NRG1: variants seen among roughly 807,000 people sequenced by gnomAD.
NRG1 encodes the protein pro-neuregulin-1, membrane-bound isoform.
A neutral mutation model predicts 63.8 loss-of-function variants in NRG1; 18 were observed. The ratio of observed to expected loss-of-function variants is 0.28; its 90% CI spans 0.19 to 0.42. NRG1 has a LOEUF of 0.42. Ranked by LOEUF, NRG1 falls within the 10% of genes least tolerant of loss-of-function variation. NRG1 has a pLI of 1.00. For missense variants in NRG1, 762 were observed against 814.7 expected (o/e 0.94, Z 0.79); for synonymous variants, 302 against 301.3 (o/e 1.00, Z -0.02).
intron 7 of NRG1, among the ~76,000 whole-genome samples, chr8:32,752,261 A>G (rs1290224860): frequency 6.6e-6 from 1 of 152,158 alleles, no homozygotes; most frequent in African/African-American, 2.4e-5. Flanking sequence ...CAGGATACCA[A>G]GATCAGGAAG....
At chr8:32,155,291 G>T (rs1487267254) in intron 1 of NRG1, among the ~76,000 whole-genome samples, 1 of 152,102 alleles carries the variant, frequency 6.6e-6, no homozygotes, top group Non-Finnish European at 1.5e-5. Context: ...AAAGAGACTA[G>T]ATCAAATGGT....
At chr8:32,722,294 G>A (rs1266213428) in intron 5 of NRG1, among the ~76,000 whole-genome samples, 1 of 152,154 alleles carries the variant, frequency 6.6e-6, no homozygotes, top group Non-Finnish European at 1.5e-5. Flanking sequence ...TGTCAAAGAA[G>A]AATAGTGGCT....
At chr8:31,982,287 TCC>T (rs1809260264) in intron 1 of NRG1, among the ~76,000 whole-genome samples, 3 of 152,086 alleles carry the variant, frequency 2.0e-5, no homozygotes, top group African/African-American at 7.2e-5. Flanking sequence ...TGCTAAGTCT[TCC>T]ATGAGAAAGT....
At chr8:32,594,287 C>T (rs1842992555) in intron 1 of NRG1, among the ~76,000 whole-genome samples, 2 of 152,064 alleles carry the variant, frequency 1.3e-5, no homozygotes, top group Admixed American at 6.6e-5. Context: ...ACTCATTTGC[C>T]TGGGTTTGTT....
chr8:31,898,322 A>G (rs1333162655), intron 1 of NRG1, among the ~76,000 whole-genome samples: 1 of 152,184 alleles, frequency 6.6e-6, no homozygotes, highest in African/African-American at 2.4e-5. Context: ...TATTTTAATA[A>G]CCACTATGTG....
At chr8:32,121,719 G>A (rs1483376395) in intron 1 of NRG1, among the ~76,000 whole-genome samples, 1 of 151,946 alleles carries the variant, frequency 6.6e-6, no homozygotes, top group Non-Finnish European at 1.5e-5. Context: ...CCAGAAATCA[G>A]AGAGAGAAAG....
chr8:32,233,556 TATATA>T (rs1563934415), intron 1 of NRG1, among the ~76,000 whole-genome samples: 7 of 68,654 alleles, frequency 1.0e-4, no homozygotes, highest in African/African-American at 3.0e-4. Context: ...TATATATATA[TATATA>T]TATTTTTTTT....
intron 1 of NRG1, among the ~76,000 whole-genome samples, chr8:32,264,497 C>T (rs1195904907): frequency 3.3e-5 from 5 of 152,082 alleles, no homozygotes; most frequent in Admixed American, 6.6e-5. Flanking sequence ...TGGTTAACTC[C>T]AAGGTTCAGA....
intron 5 of NRG1, among the ~76,000 whole-genome samples, chr8:32,635,176 TA>T (rs1422439109): frequency 2.6e-5 from 4 of 152,220 alleles, no homozygotes; most frequent in Non-Finnish European, 4.4e-5. Flanking sequence ...AGGAAAACTA[TA>T]AGATGGAAAT....
At chr8:32,598,610 G>A (rs1843772169) in intron 2 of NRG1, among the ~76,000 whole-genome samples, 1 of 151,998 alleles carries the variant, frequency 6.6e-6, no homozygotes. Context: ...TAGTCTTGCT[G>A]GAAAGAATTA....
intron 5 of NRG1, among the ~76,000 whole-genome samples, chr8:32,668,868 C>A (rs945531650): frequency 2.0e-5 from 3 of 152,144 alleles, no homozygotes; most frequent in African/African-American, 7.2e-5. Context: ...CTTCTGCTAG[C>A]AACATTAAAA....
intron 1 of NRG1, among the ~76,000 whole-genome samples, chr8:32,131,350 A>ATG (rs776372921): frequency 6.6e-6 from 1 of 152,022 alleles, no homozygotes; most frequent in Non-Finnish European, 1.5e-5. Flanking sequence ...TTGTCATTGC[A>ATG]TGTTCTGCTC....
chr8:32,678,641 C>G (rs1310542614), intron 5 of NRG1, among the ~76,000 whole-genome samples: 1 of 152,128 alleles, frequency 6.6e-6, no homozygotes, highest in East Asian at 1.9e-4. Flanking sequence ...ATTGCTTCAC[C>G]TTCTTCAGAG....
At chr8:31,690,544 C>T (rs1563296218) in intron 1 of NRG1, among the ~76,000 whole-genome samples, 1 of 152,070 alleles carries the variant, frequency 6.6e-6, no homozygotes, top group African/African-American at 2.4e-5. Flanking sequence ...ATGTTGAATA[C>T]ATACTGAAGG....
chr8:32,259,418 C>G (rs574825090), intron 1 of NRG1, among the ~76,000 whole-genome samples: 19 of 152,240 alleles, frequency 1.2e-4, no homozygotes, highest in Non-Finnish European at 1.6e-4. Context: ...CCCGTCCACT[C>G]CATCTTCAGT....
intron 1 of NRG1, among the ~76,000 whole-genome samples, chr8:31,690,525 T>G (rs1809386598): frequency 6.6e-6 from 1 of 151,958 alleles, no homozygotes; most frequent in South Asian, 2.1e-4. Flanking sequence ...GCAGACGCCT[T>G]GGGCCAAGAT....
chr8:31,701,006 G>A (rs530402501), intron 1 of NRG1, among the ~76,000 whole-genome samples: 10 of 152,262 alleles, frequency 6.6e-5, no homozygotes, highest in South Asian at 2.1e-4. Context: ...TGCGCTTTTC[G>A]CTGCTGGAGC....
chr8:32,462,014 G>T (rs1822384633), intron 1 of NRG1, among the ~76,000 whole-genome samples: 1 of 152,084 alleles, frequency 6.6e-6, no homozygotes, highest in African/African-American at 2.4e-5. Context: ...CTGTTTCCTT[G>T]CCCTGGACTT....
chr8:32,029,339 T>C (rs1586593829), intron 1 of NRG1: 1 of 152,312 alleles, frequency 6.6e-6, no homozygotes, highest in Non-Finnish European at 1.5e-5. Flanking sequence ...TCAACACATT[T>C]CATTTAAAGA....
Sources: allele counts gnomAD v4.1 joint callset (sites outside exome capture counted in the v4.1 genomes callset), GRCh38; gene constraint gnomAD v4.1.1; transcripts MANE v1.5; gene names NCBI Gene and HGNC (gene_info 2026-07-23, HGNC 2026-07-21).